The following ATAD1 variants were observed in gnomAD, a reference collection of about 807,000 sequenced individuals.
The protein encoded by ATAD1 is ATPase family AAA domain containing 1.
ATAD1 carries 18 observed loss-of-function variants against 42.7 expected under a neutral mutation model. That is an observed-to-expected ratio of 0.42 (90% CI 0.29 to 0.63). The LOEUF (loss-of-function observed/expected upper bound fraction) is 0.63, where lower values mean the gene tolerates loss of function less well. ATAD1 is among the 20% of genes least tolerant of loss of function. The pLI is 0.19. For missense variants in ATAD1, 294 were observed against 440.4 expected (o/e 0.67, Z 2.98); for synonymous variants, 132 against 143.1 (o/e 0.92, Z 0.55).
At chr10:87,800,600 A>G (rs558018457) in intron 2 of ATAD1, among the ~76,000 whole-genome samples, 3 of 152,146 alleles carry the variant, frequency 2.0e-5, no homozygotes, top group Admixed American at 6.5e-5. Context: ...TGGGGAAAAA[A>G]GCTGAAATTA....
intron 6 of ATAD1, among the ~76,000 whole-genome samples, chr10:87,773,508 A>T (rs1211115215): frequency 1.3e-5 from 2 of 152,222 alleles, no homozygotes; most frequent in Non-Finnish European, 2.9e-5. Flanking sequence ...TAAAACTATT[A>T]CTCAAAATTA....
At chr10:87,794,379 CA>C (rs780504093) in intron 2 of ATAD1, among the ~76,000 whole-genome samples, 1 of 152,192 alleles carries the variant, frequency 6.6e-6, no homozygotes, top group East Asian at 1.9e-4. Context: ...AAGTCGTTTA[CA>C]TGTCAGTTAA....
chr10:87,767,238 G>C (rs968876908), intron 8 of ATAD1, among the ~76,000 whole-genome samples: 1 of 152,072 alleles, frequency 6.6e-6, no homozygotes, highest in Non-Finnish European at 1.5e-5. Flanking sequence ...TTCAGGTCAA[G>C]TTCAAAGGTG....
chr10:87,761,030 A>G (rs879726905), intron 8 of ATAD1, among the ~76,000 whole-genome samples: 4 of 152,126 alleles, frequency 2.6e-5, no homozygotes, highest in Non-Finnish European at 5.9e-5. Flanking sequence ...TCAATCTTTT[A>G]TTCAGAGAAG....
intron 8 of ATAD1, among the ~76,000 whole-genome samples, chr10:87,763,108 C>T (rs1301705535): frequency 1.7e-5 from 2 of 119,206 alleles, no homozygotes; most frequent in Non-Finnish European, 3.6e-5. Context: ...AAAAAAAAGG[C>T]AAAATATAAT....
rs558734637 is a variant in ATAD1, at chr10:87,806,277, AT to A, written c.162+8160del. ...TGGTTTTATTCTCACTCCTCTGGTC[AT>A]TTTTTTTTTTAAGTTCTTACAGTGC... On this transcript the variant is annotated intron_variant, in intron 2 of 9. Coordinates refer to ENST00000680024, the MANE Select transcript of ATAD1 (RefSeq NM_001321967.2). Among the ~76,000 whole-genome samples, 606 of 147,508 alleles carry A rather than the reference AT, an allele frequency of 4.1e-3. 2 individuals are homozygous for A. Among genetic ancestry groups the A allele is most frequent in the African/African-American group, 0.011 (462 of 40,508 alleles).
At chr10:87,798,670 T>TA (rs1372910557) in intron 2 of ATAD1, among the ~76,000 whole-genome samples, 1 of 89,832 alleles carries the variant, frequency 1.1e-5, no homozygotes, top group Non-Finnish European at 2.6e-5. Context: ...AAAATGCCTT[T>TA]ATAATTTCCA....
intron 8 of ATAD1, among the ~76,000 whole-genome samples, chr10:87,758,529 A>C (rs910397952): frequency 2.0e-5 from 3 of 152,188 alleles, no homozygotes; most frequent in Non-Finnish European, 2.9e-5. Flanking sequence ...GATTTTATAC[A>C]AAAGAACCCA....
At chr10:87,761,073 T>TA (rs937034220) in intron 8 of ATAD1, among the ~76,000 whole-genome samples, 43 of 147,326 alleles carry the variant, frequency 2.9e-4, no homozygotes, top group East Asian at 2.0e-3. Flanking sequence ...CATGTGAATT[T>TA]AAAAAAAAAA....
chr10:87,818,302 G>A (rs1282477865), upstream of ATAD1: 25 of 972,812 alleles, frequency 2.6e-5, no homozygotes, highest in Non-Finnish European at 2.8e-5. Context: ...CGCGGTCGCC[G>A]GCGCGGAGGG....
chr10:87,820,612 A>C (rs991035948), upstream of ATAD1, among the ~76,000 whole-genome samples: 1 of 152,166 alleles, frequency 6.6e-6, no homozygotes, highest in South Asian at 2.1e-4. Flanking sequence ...ACAGGAAGGG[A>C]AACTGTTGAA....
At chr10:87,827,458 A>G (rs1054213080) in intron 1 of ATAD1, among the ~76,000 whole-genome samples, 1 of 152,206 alleles carries the variant, frequency 6.6e-6, no homozygotes, top group Non-Finnish European at 1.5e-5. Context: ...GCATCTAGCT[A>G]GTGTGTCAGT....
At chr10:87,790,490 A>G (rs1346671864) in intron 3 of ATAD1, 60 bp from the exon 4 acceptor site, 1 of 1,492,452 alleles carries the variant, frequency 6.7e-7, no homozygotes, top group African/African-American at 1.4e-5. Context: ...TAAAGTAAAA[A>G]GAACGCTCCC....
chr10:87,778,433 T>C (rs182572173), intron 5 of ATAD1, among the ~76,000 whole-genome samples: 2 of 152,294 alleles, frequency 1.3e-5, no homozygotes, highest in Admixed American at 6.5e-5. Context: ...ATTTCAGATT[T>C]TGGAATATTT....
chr10:87,808,186 T>C (rs1857011410), intron 2 of ATAD1, among the ~76,000 whole-genome samples: 1 of 152,212 alleles, frequency 6.6e-6, no homozygotes, highest in Admixed American at 6.5e-5. Context: ...TCTATGTAGA[T>C]TATCATATTA....
At chr10:87,781,517 G>T (rs971954533) in intron 5 of ATAD1, among the ~76,000 whole-genome samples, 2 of 152,156 alleles carry the variant, frequency 1.3e-5, no homozygotes, top group African/African-American at 4.8e-5. Context: ...CAACTCAATT[G>T]TAACATGCTA....
At chr10:87,772,954 T>A (rs553812921) in intron 6 of ATAD1, among the ~76,000 whole-genome samples, 58 of 152,294 alleles carry the variant, frequency 3.8e-4, no homozygotes, top group Non-Finnish European at 1.9e-4. Flanking sequence ...TTCAAACTTT[T>A]AAAAAAATCT....
intron 6 of ATAD1, among the ~76,000 whole-genome samples, chr10:87,775,481 A>G (rs2131837417): frequency 6.7e-6 from 1 of 148,730 alleles, no homozygotes; most frequent in African/African-American, 2.5e-5. Context: ...GAACACTGTT[A>G]ACTTTTCCAT....
At chr10:87,769,204 G>T (rs1490100648) in intron 7 of ATAD1, among the ~76,000 whole-genome samples, 2 of 152,112 alleles carry the variant, frequency 1.3e-5, no homozygotes, top group Admixed American at 6.5e-5. Flanking sequence ...CTGATGTCTT[G>T]CTTACAAAAT....
Sources: gnomAD v4.1 joint callset for allele counts (sites outside exome capture counted in the v4.1 genomes callset) on GRCh38, gnomAD v4.1.1 for gene constraint, MANE v1.5 for transcripts, NCBI Gene and HGNC (gene_info 2026-07-23, HGNC 2026-07-21) for gene names.